Variants in CDC42SE2 observed in about 807,000 individuals in gnomAD.
CDC42SE2 encodes CDC42 small effector protein 2.
CDC42SE2 carries 3 observed loss-of-function variants against 11.5 expected under a neutral mutation model. The observed-to-expected ratio is 0.26, with a 90% CI of 0.12 to 0.67. CDC42SE2 has a LOEUF of 0.67. Among genes scored for constraint, CDC42SE2 ranks in the 30% least tolerant of loss-of-function variants. The pLI, the probability that CDC42SE2 is intolerant of heterozygous loss-of-function variation, is 0.80. For synonymous variants in CDC42SE2, 33 were observed against 34.8 expected, an observed-to-expected ratio of 0.95 and a Z score of 0.18; for missense variants, 82 against 106.8, an observed-to-expected ratio of 0.77 and a Z score of 1.02.
the CDC42SE2 span, among the ~76,000 whole-genome samples, chr5:131,239,283 A>G: frequency 1.3e-5 from 2 of 151,648 alleles, no homozygotes; most frequent in Non-Finnish European, 2.9e-5. Context: ...TTTCAGAAAC[A>G]TTTTCTGACT....
At chr5:131,226,657 T>G in the CDC42SE2 span, among the ~76,000 whole-genome samples, 1 of 152,190 alleles carries the variant, frequency 6.6e-6, no homozygotes, top group East Asian at 1.9e-4. Flanking sequence ...GAGTAGGGGC[T>G]TATGAATGAA....
chr5:131,220,923 C>T, the CDC42SE2 span, among the ~76,000 whole-genome samples: 61 of 147,802 alleles, frequency 4.1e-4, no homozygotes, highest in African/African-American at 1.3e-3. Context: ...TTCACCCTGC[C>T]GCCTAGGCTA....
chr5:131,271,015 A>G (rs1371460360), intron 1 of CDC42SE2, among the ~76,000 whole-genome samples: 1 of 152,066 alleles, frequency 6.6e-6, no homozygotes, highest in East Asian at 1.9e-4. Flanking sequence ...TTGCCTTCTG[A>G]GTTGGCGAGG....
chr5:131,262,800 G>A (rs959412399), upstream of CDC42SE2, among the ~76,000 whole-genome samples: 1 of 151,728 alleles, frequency 6.6e-6, no homozygotes, highest in African/African-American at 2.4e-5. Flanking sequence ...AAATTGTTGT[G>A]TTTTTTTTCC....
chr5:131,348,617 T>G (rs575400039), intron 2 of CDC42SE2, among the ~76,000 whole-genome samples: 1 of 152,324 alleles, frequency 6.6e-6, no homozygotes, highest in South Asian at 2.1e-4. Flanking sequence ...CCAATGACTT[T>G]CTTCACAGAA....
At chr5:131,310,690 A>G (rs1757886697) in intron 1 of CDC42SE2, among the ~76,000 whole-genome samples, 1 of 151,908 alleles carries the variant, frequency 6.6e-6, no homozygotes, top group African/African-American at 2.4e-5. Flanking sequence ...TGATCCCTTT[A>G]CCATTATGTA....
At chr5:131,356,023 C>G (rs1305595717) in intron 2 of CDC42SE2, among the ~76,000 whole-genome samples, 1 of 152,162 alleles carries the variant, frequency 6.6e-6, no homozygotes, top group Admixed American at 6.5e-5. Context: ...GCTAAGTCGC[C>G]TTGGATAAGC....
At chr5:131,387,208 C>A (rs1225921904) in intron 4 of CDC42SE2, among the ~76,000 whole-genome samples, 1 of 152,080 alleles carries the variant, frequency 6.6e-6, no homozygotes, top group Non-Finnish European at 1.5e-5. Context: ...ATTTTAATTT[C>A]TCTCTCATCA....
intron 2 of CDC42SE2, among the ~76,000 whole-genome samples, chr5:131,332,222 GT>G (rs1235779640): frequency 1.4e-4 from 21 of 152,062 alleles, no homozygotes; most frequent in Admixed American, 3.3e-4. Flanking sequence ...GCGGTGTTTG[GT>G]TTTTTGTCCT....
At position 131,380,750 on chromosome 5, in the gene CDC42SE2, A is replaced by AG. The variant is rs569431749; in HGVS notation, c.55-4789dup. On this transcript the variant is annotated intron_variant, in intron 3 of 4. Coordinates refer to ENST00000505065, the MANE Select transcript of CDC42SE2 (RefSeq NM_001375635.1). ...CATAATGAATTCTCTGCCATCTTAC[A>AG]GGGGAAAAATTCAATCTGTTCTCAT... is the stretch of plus-strand genomic sequence containing the variant. Among the ~76,000 whole-genome samples, 13 of 152,270 alleles carry AG rather than the reference A, an allele frequency of 8.5e-5. No individual in the cohort carries two copies. In the East Asian group the frequency reaches 2.5e-3, roughly 29 times the overall value.
chr5:131,237,749 C>A, the CDC42SE2 span, among the ~76,000 whole-genome samples: 4 of 152,014 alleles, frequency 2.6e-5, no homozygotes, highest in African/African-American at 9.7e-5. Context: ...CACCATGGCC[C>A]AGCTAATATT....
intron 3 of CDC42SE2, among the ~76,000 whole-genome samples, chr5:131,384,961 C>CT (rs1220520720): frequency 6.6e-6 from 1 of 151,328 alleles, no homozygotes; most frequent in Non-Finnish European, 1.5e-5. Context: ...AAGACCCAGC[C>CT]TAGTTAGTCA....
chr5:131,374,528 CAAAAAAA>C (rs11311226), intron 3 of CDC42SE2, among the ~76,000 whole-genome samples: 5 of 70,598 alleles, frequency 7.1e-5, no homozygotes, highest in Non-Finnish European at 1.2e-4. Flanking sequence ...GAGACTGTCT[CAAAAAAA>C]AAAAAAAAAA....
chr5:131,332,200 G>C (rs1373313324), intron 2 of CDC42SE2, among the ~76,000 whole-genome samples: 1 of 152,058 alleles, frequency 6.6e-6, no homozygotes, highest in Non-Finnish European at 1.5e-5. Context: ...TCCCACCTAT[G>C]AGTGAGAACA....
At chr5:131,299,560 A>G (rs984080176) in intron 1 of CDC42SE2, among the ~76,000 whole-genome samples, 1 of 152,224 alleles carries the variant, frequency 6.6e-6, no homozygotes, top group African/African-American at 2.4e-5. Flanking sequence ...GTAAGAAAGA[A>G]GCAGAGTTGA....
At chr5:131,367,395 T>TG (rs1749892337) in intron 3 of CDC42SE2, among the ~76,000 whole-genome samples, 1 of 152,164 alleles carries the variant, frequency 6.6e-6, no homozygotes, top group South Asian at 2.1e-4. Context: ...AATTGTGGGG[T>TG]GTGGGCATGA....
chr5:131,305,329 G>A (rs2149719222), intron 1 of CDC42SE2, among the ~76,000 whole-genome samples: 1 of 152,314 alleles, frequency 6.6e-6, no homozygotes, highest in South Asian at 2.1e-4. Flanking sequence ...TTTGAGCAAA[G>A]AATGGTACAT....
intron 2 of CDC42SE2, among the ~76,000 whole-genome samples, chr5:131,325,440 A>T (rs1047020464): frequency 1.3e-5 from 2 of 150,488 alleles, no homozygotes; most frequent in African/African-American, 4.9e-5. Context: ...GGATTTTAAA[A>T]TTTGCGTCCT....
intron 2 of CDC42SE2, among the ~76,000 whole-genome samples, chr5:131,327,395 C>T (rs1222680268): frequency 2.6e-5 from 4 of 152,074 alleles, no homozygotes; most frequent in Non-Finnish European, 5.9e-5. Flanking sequence ...CTTTTACTTT[C>T]TTTATCTCTT....
Sources: allele counts gnomAD v4.1 joint callset (sites outside exome capture counted in the v4.1 genomes callset), GRCh38; gene constraint gnomAD v4.1.1; transcripts MANE v1.5; gene names NCBI Gene and HGNC (gene_info 2026-07-23, HGNC 2026-07-21).